Variants in NCKAP1 observed in about 807,000 individuals in gnomAD.
NCKAP1 encodes the protein nck-associated protein 1.
A neutral mutation model predicts 151.2 loss-of-function variants in NCKAP1; 21 were observed. That is an observed-to-expected ratio of 0.14 (90% CI 0.10 to 0.20). The LOEUF (loss-of-function observed/expected upper bound fraction) is 0.20, where lower values mean the gene tolerates loss of function less well. Among genes scored for constraint, NCKAP1 ranks in the 10% least tolerant of loss-of-function variants. The probability of loss-of-function intolerance (pLI) is 1.00; values close to 1 mark genes in which losing one functional copy is unlikely to be tolerated. For missense variants in NCKAP1, 933 were observed against 1,352.1 expected (o/e 0.69, Z 4.86); for synonymous variants, 484 against 451.8 (o/e 1.07, Z -0.90).
intron 7 of NCKAP1, 136 bp from the exon 8 acceptor site, chr2:182,995,023 A>T: frequency 1.5e-6 from 1 of 683,942 alleles, no homozygotes; most frequent in Non-Finnish European, 2.5e-6. Flanking sequence ...AAATTTGAAG[A>T]GCTGGATAAA....
rs1345570963 is a variant in NCKAP1, at chr2:182,911,504, CTA to C, written c.*14196_*14197del. On this transcript the variant is annotated 3_prime_UTR_variant, in exon 31 of 31. Transcript: ENST00000361354. ...TGTTTTATATACTGTTATAAACAGA[CTA>C]TGTGAAAAAATTTGAAATATAAACT... The C allele has an allele frequency of 3.3e-5, 5 of 152,076 alleles. No homozygotes were observed. Among genetic ancestry groups the C allele is most frequent in the South Asian group, 2.1e-4 (1 of 4,822 alleles). 9.4% of individuals were successfully genotyped at this position (152,076 alleles called of 1,614,324 possible). A position where few individuals can be genotyped will look rare whatever the true frequency, so the allele number is the denominator to read the frequency against.
At chr2:183,000,920 C>G (rs1243035356) in intron 6 of NCKAP1, among the ~76,000 whole-genome samples, 2 of 152,072 alleles carry the variant, frequency 1.3e-5, no homozygotes, top group Admixed American at 1.3e-4. Context: ...TGGTGAAACC[C>G]TGTCACTACT....
intron 1 of NCKAP1, among the ~76,000 whole-genome samples, chr2:183,037,092 T>C (rs1699116425): frequency 6.6e-6 from 1 of 152,236 alleles, no homozygotes; most frequent in Non-Finnish European, 1.5e-5. Flanking sequence ...GTTCTATCTT[T>C]ACATGGACTT....
In NCKAP1 at chr2:182,967,279, T is replaced by C; in HGVS notation, c.1565A>G (p.His522Arg). The stretch of plus-strand genomic sequence containing the variant: ...CACCAAGGAATCTACCATTTTTGTA[T>C]GAAAAATTATTGTATTCATCATCTT... ...LGKMMNTIIF[H>R]TKMVDSLVEM... The change falls in exon 16 of 31, where the codon CAT (histidine) becomes CGT (arginine). Residue 522 changes from histidine (H) to arginine (R), a missense_variant. Physicochemically the swap from His to Arg is conservative, Grantham distance 29 (BLOSUM62 0). Around this residue, in one of 2 missense-constraint regions of NCKAP1, gnomAD observed 607 missense variants for 795.0 expected, o/e 0.76. Coordinates refer to ENST00000361354, the MANE Select transcript of NCKAP1 (RefSeq NM_013436.5). 1 of 1,612,022 alleles carries C rather than the reference T, an allele frequency of 6.2e-7. No homozygotes were observed. The highest frequency in any genetic ancestry group is 8.5e-7 in the Non-Finnish European group (1 of 1,178,840).
At chr2:183,036,758 ACAT>A (rs1699109297) in intron 1 of NCKAP1, among the ~76,000 whole-genome samples, 1 of 151,968 alleles carries the variant, frequency 6.6e-6, no homozygotes, top group Non-Finnish European at 1.5e-5. Flanking sequence ...ATTAGTGTCT[ACAT>A]CAAATTGTAA....
intron 15 of NCKAP1, among the ~76,000 whole-genome samples, chr2:182,976,497 C>A (rs545133411): frequency 3.9e-5 from 6 of 152,292 alleles, no homozygotes; most frequent in African/African-American, 1.4e-4. Context: ...ATGACGGAGA[C>A]TATATGGCTG....
At chr2:182,955,845 C>T (rs1697315121) in intron 20 of NCKAP1, among the ~76,000 whole-genome samples, 1 of 151,988 alleles carries the variant, frequency 6.6e-6, no homozygotes, top group South Asian at 2.1e-4. Flanking sequence ...ACCTAATAAA[C>T]TGATTTCATG....
In NCKAP1 at chr2:182,909,161, A is replaced by G. The variant is rs1290589472; in HGVS notation, c.*16541T>C. On this transcript the variant is annotated 3_prime_UTR_variant, in exon 31 of 31. Transcript: ENST00000361354. ...ATTTTGACACCACCAAAAGGAATGT[A>G]GATCTCTCTGTTTTGATCTGGAAAT... is the stretch of plus-strand genomic sequence containing the variant. The G allele has an allele frequency of 2.0e-5, 3 of 152,260 alleles. No homozygotes were observed. Among genetic ancestry groups the G allele is most frequent in the Non-Finnish European group, 4.4e-5 (3 of 68,046 alleles). 9.4% of individuals were successfully genotyped at this position (152,260 alleles called of 1,614,324 possible).
intron 4 of NCKAP1, among the ~76,000 whole-genome samples, 186 bp from the exon 5 acceptor site, chr2:183,002,455 G>A (rs528951140): frequency 6.6e-6 from 1 of 152,156 alleles, no homozygotes; most frequent in South Asian, 2.1e-4. Context: ...ACAGTTTTGT[G>A]TCTGACACAA....
intron 27 of NCKAP1, among the ~76,000 whole-genome samples, chr2:182,929,913 A>G (rs550225556): frequency 1.6e-4 from 24 of 152,020 alleles, no homozygotes; most frequent in Non-Finnish European, 3.1e-4. Flanking sequence ...CTGCATTTCT[A>G]AGGGCTGGTC....
At chr2:183,034,529 AAAG>A (rs773404721) in intron 1 of NCKAP1, among the ~76,000 whole-genome samples, 7 of 152,176 alleles carry the variant, frequency 4.6e-5, no homozygotes, top group Non-Finnish European at 8.8e-5. Flanking sequence ...AGAAGGAAAA[AAAG>A]AAGAGAGTAA....
rs764794442 is a variant in NCKAP1, at chr2:182,942,175, A to G, written c.2602-12T>C. On this transcript the variant is annotated splice_polypyrimidine_tract_variant and intron_variant, in intron 23 of 30. Coordinates refer to ENST00000361354, the MANE Select transcript of NCKAP1 (RefSeq NM_013436.5). ...TCCACCACAAGTTTCTAAAAAAAAA[A>G]GAAAGATCCTAGGTCAGGCACAGAC... 169 of 1,583,864 alleles carry G rather than the reference A, an allele frequency of 1.1e-4. No homozygotes were observed. Among genetic ancestry groups the G allele is most frequent in the Non-Finnish European group, 1.4e-4 (166 of 1,154,792 alleles).
chr2:182,943,947 C>T (rs974034722), intron 23 of NCKAP1, among the ~76,000 whole-genome samples: 1 of 152,132 alleles, frequency 6.6e-6, no homozygotes, highest in Non-Finnish European at 1.5e-5. Context: ...AAATGGTTCC[C>T]CATCTTTTGT....
chr2:183,032,325 T>A (rs752117986), intron 1 of NCKAP1, among the ~76,000 whole-genome samples: 2 of 152,218 alleles, frequency 1.3e-5, no homozygotes, highest in Non-Finnish European at 2.9e-5. Flanking sequence ...AGAGGTTATA[T>A]GCCTGCAAGA....
At chr2:183,003,490 T>C (rs1698410893) in intron 2 of NCKAP1, among the ~76,000 whole-genome samples, 165 bp from the exon 3 acceptor site, 1 of 152,146 alleles carries the variant, frequency 6.6e-6, no homozygotes, top group Non-Finnish European at 1.5e-5. Context: ...CAGCAACTGC[T>C]AATAGTGATC....
intron 24 of NCKAP1, among the ~76,000 whole-genome samples, chr2:182,939,721 A>G (rs1319909744): frequency 6.6e-6 from 1 of 152,188 alleles, no homozygotes; most frequent in Non-Finnish European, 1.5e-5. Flanking sequence ...AAGGAAGCAC[A>G]AAAGAATTAA....
intron 2 of NCKAP1, among the ~76,000 whole-genome samples, chr2:183,007,115 C>T (rs1698492074): frequency 6.6e-6 from 1 of 152,144 alleles, no homozygotes; most frequent in Non-Finnish European, 1.5e-5. Flanking sequence ...TTAGGTGATC[C>T]TCCCGCCTCG....
chr2:183,021,895 C>T (rs1698804235), intron 2 of NCKAP1, among the ~76,000 whole-genome samples: 1 of 152,052 alleles, frequency 6.6e-6, no homozygotes, highest in Non-Finnish European at 1.5e-5. Flanking sequence ...TGTGAATGTA[C>T]TTAAAAAACA....
chr2:182,934,878 A>C, intron 25 of NCKAP1, 46 bp from the exon 26 acceptor site: 1 of 908,540 alleles, frequency 1.1e-6, no homozygotes, highest in East Asian at 2.8e-5. Flanking sequence ...TTTAAATGGC[A>C]ACCCCTAAAT....
Sources: gnomAD v4.1 joint callset for allele counts (sites outside exome capture counted in the v4.1 genomes callset) on GRCh38, gnomAD v4.1.1 for gene constraint, gnomAD v4.1.1 regional missense constraint, MANE v1.5 for transcripts, NCBI Gene and HGNC (gene_info 2026-07-23, HGNC 2026-07-21) for gene names.